PLCXD3: variants seen among roughly 807,000 people sequenced by gnomAD.
PLCXD3 encodes the protein PI-PLC X domain-containing protein 3.
In PLCXD3, 19 loss-of-function variants were observed where a neutral mutation model predicts 25.5. The ratio of observed to expected loss-of-function variants is 0.75; its 90% CI spans 0.52 to 1.09. The LOEUF (loss-of-function observed/expected upper bound fraction) is 1.09. PLCXD3 is among the 50% of genes least tolerant of loss of function. The pLI is 0.00. For synonymous variants in PLCXD3, 174 were observed against 137.6 expected (o/e 1.26, Z -1.85); for missense variants, 411 against 388.1 (o/e 1.06, Z -0.50).
At chr5:41,479,648 C>T (rs1233878261) in intron 1 of PLCXD3, among the ~76,000 whole-genome samples, 6 of 151,458 alleles carry the variant, frequency 4.0e-5, no homozygotes, top group African/African-American at 1.5e-4. Flanking sequence ...GTTCAATATG[C>T]TAATAATAAT....
intron 2 of PLCXD3, among the ~76,000 whole-genome samples, chr5:41,359,451 T>C (rs1174884094): frequency 1.3e-5 from 2 of 152,180 alleles, no homozygotes; most frequent in Non-Finnish European, 2.9e-5. Flanking sequence ...GGGAGGGTTG[T>C]ATATTTCTGG....
intron 1 of PLCXD3, among the ~76,000 whole-genome samples, chr5:41,484,269 A>ACCCC (rs3046178): frequency 0.016 from 2,296 of 146,180 alleles, 64 homozygotes; most frequent in African/African-American, 0.056. Flanking sequence ...ACACACACAC[A>ACCCC]CACTAACTGT....
chr5:41,404,908 A>G (rs2150501095), intron 1 of PLCXD3, among the ~76,000 whole-genome samples: 1 of 152,228 alleles, frequency 6.6e-6, no homozygotes, highest in Admixed American at 6.5e-5. Flanking sequence ...CCATATCCTG[A>G]CCTTGGAATT....
chr5:41,479,560 G>A (rs1168200074), intron 1 of PLCXD3, among the ~76,000 whole-genome samples: 1 of 152,118 alleles, frequency 6.6e-6, no homozygotes, highest in African/African-American at 2.4e-5. Context: ...AAACATAGAT[G>A]TATAGTTTAG....
chr5:41,417,806 G>C (rs990787028), intron 1 of PLCXD3, among the ~76,000 whole-genome samples: 2 of 152,200 alleles, frequency 1.3e-5, no homozygotes, highest in Non-Finnish European at 2.9e-5. Flanking sequence ...TATCCCAGGA[G>C]GGCAGCCAGA....
chr5:41,334,657 G>C (rs550989039), intron 2 of PLCXD3, among the ~76,000 whole-genome samples: 30 of 152,098 alleles, frequency 2.0e-4, no homozygotes, highest in Middle Eastern at 3.2e-3. Flanking sequence ...TATGCCATCC[G>C]TTTCCTTTGA....
At chr5:41,348,652 T>A (rs545033813) in intron 2 of PLCXD3, among the ~76,000 whole-genome samples, 1 of 149,766 alleles carries the variant, frequency 6.7e-6, no homozygotes, top group Non-Finnish European at 1.5e-5. Context: ...TGTTTGTTTG[T>A]TTGTTTGTTT....
intron 1 of PLCXD3, among the ~76,000 whole-genome samples, chr5:41,456,138 TAGTC>T (rs1208457418): frequency 3.3e-5 from 5 of 151,830 alleles, no homozygotes; most frequent in East Asian, 1.9e-4. Context: ...TTAAATGAGA[TAGTC>T]AGAGTAAGCA....
At chr5:41,456,670 C>G (rs539703316) in intron 1 of PLCXD3, 93 of 256,400 alleles carry the variant, frequency 3.6e-4, no homozygotes, top group African/African-American at 2.1e-3. Context: ...TGATTAGGTC[C>G]TGAAGGTGGA....
intron 1 of PLCXD3, among the ~76,000 whole-genome samples, chr5:41,448,256 C>T (rs1309408462): frequency 6.6e-6 from 1 of 152,142 alleles, no homozygotes; most frequent in African/African-American, 2.4e-5. Flanking sequence ...ACCAGAAACC[C>T]AGTTGACTTC....
At chr5:41,456,057 A>G (rs1462365110) in intron 1 of PLCXD3, among the ~76,000 whole-genome samples, 1 of 152,064 alleles carries the variant, frequency 6.6e-6, no homozygotes, top group East Asian at 1.9e-4. Flanking sequence ...TCAAAATTCT[A>G]CTATGCACTC....
intron 1 of PLCXD3, among the ~76,000 whole-genome samples, chr5:41,398,791 T>C (rs1320197844): frequency 6.6e-6 from 1 of 152,124 alleles, no homozygotes; most frequent in Non-Finnish European, 1.5e-5. Flanking sequence ...CTCTAAAATC[T>C]AGAACACAAC....
intron 1 of PLCXD3, among the ~76,000 whole-genome samples, chr5:41,451,551 A>T (rs1289358877): frequency 6.6e-6 from 1 of 152,062 alleles, no homozygotes. Flanking sequence ...CAGAGAGGAA[A>T]AGCATTGACT....
rs1333928127 is a variant in PLCXD3, at chr5:41,339,449, TA to T, written c.813-25680del. Among the ~76,000 whole-genome samples, 10 of 149,086 alleles carry T rather than the reference TA, an allele frequency of 6.7e-5. No homozygotes were observed. In the East Asian group the frequency reaches 7.8e-4, roughly 12 times the overall value. ...GTCAATGGATACAGAGAAATCATAC[TA>T]TTTTTTTTTTTCAAAAATTGGAATC... is the stretch of plus-strand genomic sequence containing the variant. On this transcript the variant is annotated intron_variant, in intron 2 of 2. Coordinates refer to ENST00000377801, the MANE Select transcript of PLCXD3 (RefSeq NM_001005473.3).
intron 1 of PLCXD3, among the ~76,000 whole-genome samples, chr5:41,449,243 A>G (rs1747572800): frequency 6.6e-6 from 1 of 152,208 alleles, no homozygotes; most frequent in Non-Finnish European, 1.5e-5. Flanking sequence ...TGATATCCTC[A>G]TAGCAATTTG....
At chr5:41,362,636 C>T (rs906292326) in intron 2 of PLCXD3, among the ~76,000 whole-genome samples, 69 of 152,142 alleles carry the variant, frequency 4.5e-4, no homozygotes, top group Admixed American at 1.2e-3. Flanking sequence ...GGATGTCACT[C>T]CTGTTGTTTA....
chr5:41,480,184 C>T (rs1748369069), intron 1 of PLCXD3, among the ~76,000 whole-genome samples: 1 of 152,002 alleles, frequency 6.6e-6, no homozygotes, highest in East Asian at 1.9e-4. Flanking sequence ...AAGAAAAATG[C>T]CCTGAAAGCA....
intron 1 of PLCXD3, among the ~76,000 whole-genome samples, chr5:41,503,444 A>G (rs961351029): frequency 2.6e-5 from 4 of 152,162 alleles, no homozygotes; most frequent in Non-Finnish European, 5.9e-5. Flanking sequence ...TCTGTAATGA[A>G]ATATAGGAAC....
chr5:41,337,883 T>A (rs941908717), intron 2 of PLCXD3, among the ~76,000 whole-genome samples: 1 of 152,166 alleles, frequency 6.6e-6, no homozygotes, highest in African/African-American at 2.4e-5. Context: ...TAGTCTGAGT[T>A]AGAAGAGTAT....
Sources: gnomAD v4.1 joint callset for allele counts (sites outside exome capture counted in the v4.1 genomes callset) on GRCh38, gnomAD v4.1.1 for gene constraint, MANE v1.5 for transcripts, NCBI Gene and HGNC (gene_info 2026-07-23, HGNC 2026-07-21) for gene names.